The following RIMS3 variants were observed in gnomAD, a reference collection of about 807,000 sequenced individuals.
RIMS3 encodes the protein regulating synaptic membrane exocytosis 3.
A neutral mutation model predicts 29.2 loss-of-function variants in RIMS3; 15 were observed. The ratio of observed to expected loss-of-function variants is 0.51; its 90% CI spans 0.34 to 0.79. RIMS3 has a LOEUF of 0.79. Among genes scored for constraint, RIMS3 ranks in the 30% least tolerant of loss-of-function variants. The probability of loss-of-function intolerance (pLI) is 0.01; values close to 1 mark genes in which losing one functional copy is unlikely to be tolerated. For synonymous variants in RIMS3, 161 were observed against 170.1 expected (o/e 0.95, Z 0.41); for missense variants, 342 against 421.4 (o/e 0.81, Z 1.65).
At chr1:40,682,741 C>CTTTTTTTTT in the RIMS3 span, among the ~76,000 whole-genome samples, 229 of 77,494 alleles carry the variant, frequency 3.0e-3, 35 homozygotes, top group African/African-American at 6.3e-3. Context: ...CTTTGCAGAT[C>CTTTTTTTTT]TTTTTTTTTT....
chr1:40,642,102 G>C (rs1451421478), intron 2 of RIMS3, 146 bp from the exon 3 acceptor site: 1 of 609,894 alleles, frequency 1.6e-6, no homozygotes, highest in Non-Finnish European at 3.0e-6. Context: ...AATGTCAAGA[G>C]CATGCACAGG....
At chr1:40,690,826 C>A in the RIMS3 span, 2 of 152,216 alleles carry the variant, frequency 1.3e-5, no homozygotes, top group African/African-American at 4.8e-5. Flanking sequence ...TTACCATCAG[C>A]AGAGGCAGTC....
chr1:40,638,393 T>C (rs1646534293), intron 3 of RIMS3, among the ~76,000 whole-genome samples: 1 of 152,228 alleles, frequency 6.6e-6, no homozygotes. Context: ...ACATGAATAG[T>C]CTCAACCCCT....
intron 1 of RIMS3, among the ~76,000 whole-genome samples, chr1:40,650,482 G>C (rs1471308546): frequency 6.6e-6 from 1 of 152,176 alleles, no homozygotes. Context: ...ACTGGGGACT[G>C]TCTTCCTCTC....
Position 40,623,386 on chromosome 1 carries a change from A to G in RIMS3, c.*3131T>C. ...AAGGAGTCTATGAAGAAAGTGGGAC[A>G]GAATGAACAGAGCAGAAATACAAAG... On this transcript the variant is annotated 3_prime_UTR_variant, in exon 8 of 8. Coordinates refer to ENST00000372684, the MANE Select transcript of RIMS3 (RefSeq NM_014747.3). The G allele has an allele frequency of 2.5e-6, 1 of 398,672 alleles. No homozygotes were observed. Among genetic ancestry groups the G allele is most frequent in the Non-Finnish European group, 4.4e-6 (1 of 226,076 alleles). 24.7% of individuals were successfully genotyped at this position (398,672 alleles called of 1,614,324 possible). A position where few individuals can be genotyped will look rare whatever the true frequency, so the allele number is the denominator to read the frequency against.
At chr1:40,683,719 C>T in the RIMS3 span, among the ~76,000 whole-genome samples, 10 of 152,256 alleles carry the variant, frequency 6.6e-5, no homozygotes, top group African/African-American at 2.2e-4. Flanking sequence ...AAATGCTCAA[C>T]AGCTACACGT....
At chr1:40,678,701 C>T in the RIMS3 span, among the ~76,000 whole-genome samples, 5 of 152,220 alleles carry the variant, frequency 3.3e-5, no homozygotes, top group Non-Finnish European at 7.3e-5. Context: ...GCTCCAGAGT[C>T]GGCGCTCACC....
At chr1:40,676,438 C>T in the RIMS3 span, among the ~76,000 whole-genome samples, 1 of 152,226 alleles carries the variant, frequency 6.6e-6, no homozygotes, top group Non-Finnish European at 1.5e-5. Context: ...CAACACCCAC[C>T]TGGCTTTGAA....
At chr1:40,656,505 C>T (rs901104455) in intron 1 of RIMS3, among the ~76,000 whole-genome samples, 10 of 151,980 alleles carry the variant, frequency 6.6e-5, no homozygotes, top group East Asian at 5.8e-4. Context: ...CATTAGAGGC[C>T]GGGCGCGGTG....
the RIMS3 span, among the ~76,000 whole-genome samples, chr1:40,676,340 C>A: frequency 3.9e-5 from 6 of 152,060 alleles, no homozygotes; most frequent in African/African-American, 1.4e-4. Flanking sequence ...GTTGTTGGCA[C>A]CTGAGTTCAG....
chr1:40,670,964 A>C, the RIMS3 span, among the ~76,000 whole-genome samples: 3 of 152,102 alleles, frequency 2.0e-5, no homozygotes, highest in Non-Finnish European at 4.4e-5. Flanking sequence ...AGCATTTTTT[A>C]AATGTCACTC....
chr1:40,643,200 C>T (rs770253564), intron 2 of RIMS3, among the ~76,000 whole-genome samples: 9 of 152,014 alleles, frequency 5.9e-5, no homozygotes, highest in East Asian at 5.8e-4. Flanking sequence ...GGCACAATCT[C>T]GGCTCACTGC....
chr1:40,690,367 T>A, the RIMS3 span: 1 of 8,104 alleles, frequency 1.2e-4, no homozygotes, highest in East Asian at 1.2e-3. Flanking sequence ...TATAAGTAAC[T>A]TTTTTTTTTT....
rs1417852961 is a variant in RIMS3 at position 40,622,467 on chromosome 1, T to G, written c.*4050A>C. 2 of 152,228 alleles carry G rather than the reference T, an allele frequency of 1.3e-5. No individual in the cohort carries two copies. Among genetic ancestry groups the G allele is most frequent in the African/African-American group, 4.8e-5 (2 of 41,444 alleles). The allele number at this position is 152,228 out of a possible 1,614,324, so 9.4% of individuals were successfully genotyped here. A position where few individuals can be genotyped will look rare whatever the true frequency, so the allele number is the denominator to read the frequency against. ...GACTACTCAGTGAAAGACAGTCCAG[T>G]AGAAGAAGCAGCATTTTAAAGAATC... On this transcript the variant is annotated 3_prime_UTR_variant, in exon 8 of 8. Transcript: ENST00000372684.
At chr1:40,660,392 T>C (rs1642335340) in intron 1 of RIMS3, among the ~76,000 whole-genome samples, 1 of 151,292 alleles carries the variant, frequency 6.6e-6, no homozygotes, top group Admixed American at 6.6e-5. Flanking sequence ...TTTTTTTTTT[T>C]TTTGAGACAG....
the RIMS3 span, among the ~76,000 whole-genome samples, chr1:40,682,743 T>TTTTTTTTC: frequency 2.3e-5 from 2 of 86,044 alleles, 1 homozygote; most frequent in African/African-American, 1.0e-4. Context: ...TTGCAGATCT[T>TTTTTTTTC]TTTTTTTTTT....
the RIMS3 span, among the ~76,000 whole-genome samples, chr1:40,689,338 G>C: frequency 6.6e-6 from 1 of 152,158 alleles, no homozygotes; most frequent in Non-Finnish European, 1.5e-5. Context: ...CTGGAGTGCA[G>C]TGGCGTGATA....
At chr1:40,649,647 T>C (rs1483739663) in intron 1 of RIMS3, among the ~76,000 whole-genome samples, 1 of 152,238 alleles carries the variant, frequency 6.6e-6, no homozygotes, top group Non-Finnish European at 1.5e-5. Context: ...CTCACTCGCC[T>C]GGCCCCCATC....
rs1260058661 is a variant in RIMS3, at chr1:40,623,676, C to T, written c.*2841G>A. ...TCCTTCCTTCCCCACCCCCCGTCCT[C>T]AAACAGCAGATGCTCCCCCACCCCA... On this transcript the variant is annotated 3_prime_UTR_variant, in exon 8 of 8. Transcript: ENST00000372684. 1 of 382,554 alleles carries T rather than the reference C, an allele frequency of 2.6e-6. No individual in the cohort carries two copies. The highest frequency in any genetic ancestry group is 2.2e-5 in the African/African-American group (1 of 46,122). 23.7% of individuals were successfully genotyped at this position (382,554 alleles called of 1,614,324 possible).
Sources: allele counts gnomAD v4.1 joint callset (sites outside exome capture counted in the v4.1 genomes callset), GRCh38; gene constraint gnomAD v4.1.1; transcripts MANE v1.5; gene names NCBI Gene and HGNC (gene_info 2026-07-23, HGNC 2026-07-21).